CELF2: variants seen among roughly 807,000 people sequenced by gnomAD.
CELF2 encodes the protein CUG triplet repeat RNA-binding protein 2.
In CELF2, 8 loss-of-function variants were observed where a neutral mutation model predicts 62.6. The observed-to-expected ratio is 0.13, with a 90% CI of 0.07 to 0.23. The LOEUF is 0.23. Among genes scored for constraint, CELF2 ranks in the 10% least tolerant of loss-of-function variants. The pLI is 1.00. For synonymous variants in CELF2, 258 were observed against 250.0 expected, an observed-to-expected ratio of 1.03 and a Z score of -0.30; for missense variants, 333 against 671.0, an observed-to-expected ratio of 0.50 and a Z score of 5.56.
the CELF2 span, among the ~76,000 whole-genome samples, chr10:10,787,336 A>G: frequency 1.6e-4 from 25 of 152,348 alleles, no homozygotes; most frequent in Admixed American, 9.8e-4. Flanking sequence ...TAGCTAGGAT[A>G]CAGTTGTTTT....
At chr10:10,506,731 C>T in the CELF2 span, among the ~76,000 whole-genome samples, 1 of 113,754 alleles carries the variant, frequency 8.8e-6, no homozygotes, top group Non-Finnish European at 1.6e-5. Context: ...GGCTGGAGTG[C>T]AGAGGTGCAA....
chr10:10,883,568 G>C (rs959971579), intron 1 of CELF2, among the ~76,000 whole-genome samples: 1 of 152,106 alleles, frequency 6.6e-6, no homozygotes, highest in Non-Finnish European at 1.5e-5. Flanking sequence ...AGGCTCTGGG[G>C]AGTGTAGTTG....
intron 2 of CELF2, among the ~76,000 whole-genome samples, chr10:10,935,968 G>T (rs1977250): frequency 6.6e-6 from 1 of 150,802 alleles, no homozygotes; most frequent in Non-Finnish European, 1.5e-5. Flanking sequence ...CCTGGCCAAC[G>T]TGGTGAAACC....
At chr10:10,900,741 G>A (rs2062877308) in intron 1 of CELF2, among the ~76,000 whole-genome samples, 2 of 152,028 alleles carry the variant, frequency 1.3e-5, no homozygotes, top group Admixed American at 6.6e-5. Flanking sequence ...CAATACAAAA[G>A]TACAACATAA....
rs1039263699 is a variant in CELF2 at position 11,224,289 on chromosome 10, G to A, written c.354+6782G>A. Among the ~76,000 whole-genome samples the A allele has an allele frequency of 3.3e-5, 5 of 152,192 alleles. No individual in the cohort carries two copies. The highest frequency in any genetic ancestry group is 7.3e-5 in the Non-Finnish European group (5 of 68,038). On this transcript the variant is annotated intron_variant, in intron 3 of 12. Transcript: ENST00000633077. The surrounding 1 kb of genome is among the most constrained non-coding windows in gnomAD (Gnocchi z 4.5). Reference sequence around the variant, plus strand: ...AAAGTATGTTAACGCGCTGGTACTGGTGCCTGATCAGATTTGCAAAAGTGC... The same window carrying A: ...AAAGTATGTTAACGCGCTGGTACTGATGCCTGATCAGATTTGCAAAAGTGC...
Position 11,178,831 on chromosome 10 carries a change from C to T in CELF2, c.271+13149C>T, listed in dbSNP as rs1374291498. Among the ~76,000 whole-genome samples, 1 of 152,204 alleles carries T rather than the reference C, an allele frequency of 6.6e-6. No individual in the cohort carries two copies. The highest frequency in any genetic ancestry group is 1.5e-5 in the Non-Finnish European group (1 of 68,042). ...GCAGAGCTGAGTGAGTCTATGAAAACCCATTGGTCGGGCTGCCCTAGCAAC... is the reference window on the plus strand; with the variant it reads ...GCAGAGCTGAGTGAGTCTATGAAAATCCATTGGTCGGGCTGCCCTAGCAAC... On this transcript the variant is annotated intron_variant, in intron 2 of 12. Transcript: ENST00000633077. The surrounding 1 kb of genome is among the most constrained non-coding windows in gnomAD (Gnocchi z 4.3).
chr10:10,751,939 T>G, the CELF2 span, among the ~76,000 whole-genome samples: 4 of 152,098 alleles, frequency 2.6e-5, no homozygotes, highest in Non-Finnish European at 5.9e-5. Flanking sequence ...TTAAAATACA[T>G]CCACAGATAA....
the CELF2 span, among the ~76,000 whole-genome samples, chr10:10,580,845 A>G: frequency 5.3e-5 from 8 of 152,318 alleles, no homozygotes; most frequent in South Asian, 1.7e-3. Flanking sequence ...GGTTGAGTCA[A>G]TGGGTGAATT....
chr10:10,507,815 T>C, the CELF2 span, among the ~76,000 whole-genome samples: 1 of 152,206 alleles, frequency 6.6e-6, no homozygotes, highest in Non-Finnish European at 1.5e-5. Context: ...GGAGGAATCA[T>C]GCTTAAAAAA....
the CELF2 span, among the ~76,000 whole-genome samples, chr10:10,519,217 A>G: frequency 6.6e-6 from 1 of 152,196 alleles, no homozygotes; most frequent in Admixed American, 6.5e-5. Flanking sequence ...TTCATGAAGC[A>G]GAGTCGAGGC....
At chr10:10,471,400 A>G in the CELF2 span, among the ~76,000 whole-genome samples, 1 of 151,688 alleles carries the variant, frequency 6.6e-6, no homozygotes. Flanking sequence ...ATTTTGTTCC[A>G]TGTATTTTGA....
chr10:10,884,898 C>T lies in CELF2; in HGVS notation c.54-35066C>T, dbSNP rs181448275. On this transcript the variant is annotated intron_variant, in intron 1 of 13. Transcript: ENST00000636488. ...GCATGCTTATTGTGGCCTTCTCTGC[C>T]ATGGCATTTATCTAGCACATGCTAA... Among the ~76,000 whole-genome samples, 24 of 152,312 alleles carry T rather than the reference C, an allele frequency of 1.6e-4. No homozygotes were observed. In the East Asian group the frequency reaches 4.6e-3, roughly 29 times the overall value.
At chr10:10,696,588 G>T in the CELF2 span, among the ~76,000 whole-genome samples, 1 of 151,902 alleles carries the variant, frequency 6.6e-6, no homozygotes, top group African/African-American at 2.4e-5. Context: ...AATGGCGGGC[G>T]CCCCTCCCCC....
chr10:11,197,837 T>C (rs957391022), intron 2 of CELF2, among the ~76,000 whole-genome samples: 2 of 152,282 alleles, frequency 1.3e-5, no homozygotes, highest in Admixed American at 1.3e-4. Context: ...AGGACTCTTC[T>C]GTAGCGTTTT....
intron 1 of CELF2, among the ~76,000 whole-genome samples, chr10:10,866,877 A>C (rs1183272892): frequency 6.9e-6 from 1 of 144,618 alleles, no homozygotes; most frequent in African/African-American, 2.6e-5. Flanking sequence ...CTGAGATCAC[A>C]CCGTTGCACT....
At chr10:10,475,113 T>G in the CELF2 span, among the ~76,000 whole-genome samples, 2 of 152,148 alleles carry the variant, frequency 1.3e-5, no homozygotes, top group African/African-American at 2.4e-5. Flanking sequence ...ATAAGCCATA[T>G]GTGGAACAAT....
At chr10:10,887,175 C>T (rs191056026) in intron 1 of CELF2, among the ~76,000 whole-genome samples, 11 of 151,544 alleles carry the variant, frequency 7.3e-5, no homozygotes, top group Admixed American at 4.6e-4. Flanking sequence ...AGAATGTAGA[C>T]TGCCAATCCA....
At chr10:11,234,381 A>C (rs952721701) in intron 3 of CELF2, among the ~76,000 whole-genome samples, 1 of 152,206 alleles carries the variant, frequency 6.6e-6, no homozygotes, top group Non-Finnish European at 1.5e-5. Flanking sequence ...CTCTTTCAAC[A>C]TAAAAAAAAT....
At chr10:10,970,838 T>C (rs1444629468) in intron 2 of CELF2, 2 of 152,174 alleles carry the variant, frequency 1.3e-5, no homozygotes, top group African/African-American at 4.8e-5. Flanking sequence ...GTTTCATTAG[T>C]CTCCTTTTCT....
Sources: allele counts gnomAD v4.1 joint callset (sites outside exome capture counted in the v4.1 genomes callset), GRCh38; gene constraint gnomAD v4.1.1; non-coding constraint Gnocchi (gnomAD v3.1); transcripts MANE v1.5; gene names NCBI Gene and HGNC (gene_info 2026-07-23, HGNC 2026-07-21).